SNTG2: variants seen among roughly 807,000 people sequenced by gnomAD.
SNTG2 encodes syntrophin gamma 2.
In SNTG2, 74 loss-of-function variants were observed where a neutral mutation model predicts 70.9. The observed-to-expected ratio is 1.04, with a 90% CI of 0.86 to 1.27. The LOEUF is 1.27. SNTG2 is among the 50% of genes most tolerant of loss of function. SNTG2 has a pLI of 0.00. For missense variants in SNTG2, 717 were observed against 690.7 expected, an observed-to-expected ratio of 1.04 and a Z score of -0.43; for synonymous variants, 278 against 273.8, an observed-to-expected ratio of 1.02 and a Z score of -0.15.
At chr2:1,005,574 C>G (rs1013519470) in intron 1 of SNTG2, among the ~76,000 whole-genome samples, 1 of 151,444 alleles carries the variant, frequency 6.6e-6, no homozygotes, top group African/African-American at 2.4e-5. Context: ...GAGGCTGAGG[C>G]GGGTGGATCG....
rs185261381 is a variant in SNTG2 at position 974,542 on chromosome 2, C to T, written c.72+23474C>T. ...TGGTTTCCTTGGGTGTCCTCCCTGC[C>T]TCAGTCTTTGCTGGACCTGTCGAGG... On this transcript the variant is annotated intron_variant, in intron 1 of 16. Transcript: ENST00000308624. Among the ~76,000 whole-genome samples, 551 of 152,300 alleles carry T rather than the reference C, an allele frequency of 3.6e-3. 4 individuals are homozygous for T. Among genetic ancestry groups the T allele is most frequent in the Middle Eastern group, 6.8e-3 (2 of 294 alleles).
intron 16 of SNTG2, among the ~76,000 whole-genome samples, chr2:1,359,503 T>C (rs1356781322): frequency 2.0e-5 from 3 of 152,194 alleles, no homozygotes; most frequent in African/African-American, 7.2e-5. Flanking sequence ...CCCTGCCCTT[T>C]TGTTTGCATG....
chr2:1,279,310 A>G (rs1448791090), intron 14 of SNTG2, among the ~76,000 whole-genome samples: 2 of 152,264 alleles, frequency 1.3e-5, no homozygotes, highest in African/African-American at 4.8e-5. Flanking sequence ...TGATGCTGGT[A>G]TACAGTAATA....
chr2:1,145,961 A>G (rs1312420580), intron 6 of SNTG2, among the ~76,000 whole-genome samples: 1 of 152,220 alleles, frequency 6.6e-6, no homozygotes, highest in East Asian at 1.9e-4. Context: ...TAATGATCAT[A>G]TAAATGGATG....
chr2:967,321 A>G (rs1660600128), intron 1 of SNTG2, among the ~76,000 whole-genome samples: 2 of 152,228 alleles, frequency 1.3e-5, no homozygotes, highest in Admixed American at 1.3e-4. Context: ...AAAAACATTC[A>G]GTGTTCATCA....
chr2:1,012,576 GA>G (rs1659762280), intron 1 of SNTG2, among the ~76,000 whole-genome samples: 8 of 146,338 alleles, frequency 5.5e-5, no homozygotes, highest in Non-Finnish European at 1.6e-5. Context: ...GTGGTCTGGA[GA>G]AGGATTTATA....
At chr2:1,262,625 G>T (rs1175699782) in intron 13 of SNTG2, among the ~76,000 whole-genome samples, 2 of 152,162 alleles carry the variant, frequency 1.3e-5, no homozygotes, top group African/African-American at 4.8e-5. Flanking sequence ...TCCAGACGAG[G>T]AAACCCAAAG....
intron 1 of SNTG2, among the ~76,000 whole-genome samples, chr2:1,083,207 T>C (rs1353951253): frequency 6.7e-6 from 1 of 149,084 alleles, no homozygotes; most frequent in African/African-American, 2.5e-5. Context: ...TATTTGGAAG[T>C]GGGAAAAATT....
chr2:1,202,449 G>A (rs1471219682), intron 8 of SNTG2, among the ~76,000 whole-genome samples: 1 of 147,572 alleles, frequency 6.8e-6, no homozygotes, highest in African/African-American at 2.6e-5. Flanking sequence ...TCAATGAGGA[G>A]ATAAAAGAGG....
intron 1 of SNTG2, among the ~76,000 whole-genome samples, chr2:1,050,616 T>C (rs903282553): frequency 2.0e-4 from 31 of 152,218 alleles, no homozygotes; most frequent in Non-Finnish European, 4.0e-4. Context: ...CTTTGTTTTC[T>C]TCCAGGATTT....
chr2:1,264,298 C>T (rs1321067905), intron 13 of SNTG2, among the ~76,000 whole-genome samples: 1 of 152,198 alleles, frequency 6.6e-6, no homozygotes, highest in Non-Finnish European at 1.5e-5. Flanking sequence ...TTAACTGGAG[C>T]ACATAGTGTG....
intron 9 of SNTG2, among the ~76,000 whole-genome samples, chr2:1,235,923 G>A (rs544495909): frequency 9.2e-5 from 14 of 152,290 alleles, no homozygotes; most frequent in African/African-American, 3.4e-4. Flanking sequence ...ACTGTTTATC[G>A]AGGTGTTCAC....
intron 1 of SNTG2, among the ~76,000 whole-genome samples, chr2:1,018,946 C>T (rs1660001784): frequency 6.6e-6 from 1 of 152,108 alleles, no homozygotes; most frequent in African/African-American, 2.4e-5. Context: ...TGCCCATTGT[C>T]CTCCTCCTGT....
intron 1 of SNTG2, among the ~76,000 whole-genome samples, chr2:986,156 G>C (rs1280585559): frequency 1.4e-5 from 2 of 147,092 alleles, no homozygotes; most frequent in Non-Finnish European, 3.0e-5. Context: ...CTTTCACACA[G>C]TCTTGCATGG....
At chr2:1,286,513 G>A (rs1458081161) in intron 14 of SNTG2, among the ~76,000 whole-genome samples, 2 of 152,224 alleles carry the variant, frequency 1.3e-5, no homozygotes, top group African/African-American at 4.8e-5. Flanking sequence ...CAGCCATAAA[G>A]TGAGTGCCTT....
chr2:1,189,686 G>T (rs1672459510), intron 8 of SNTG2, among the ~76,000 whole-genome samples: 1 of 151,864 alleles, frequency 6.6e-6, no homozygotes, highest in Admixed American at 6.6e-5. Context: ...AGCCTCCCAA[G>T]TAGGTGCACG....
intron 1 of SNTG2, among the ~76,000 whole-genome samples, chr2:963,828 T>C (rs973785359): frequency 6.6e-6 from 1 of 152,198 alleles, no homozygotes; most frequent in Non-Finnish European, 1.5e-5. Flanking sequence ...TATAAATCCT[T>C]TGGAGGGTGT....
chr2:1,036,619 G>C (rs968507523), intron 1 of SNTG2, among the ~76,000 whole-genome samples: 1 of 152,170 alleles, frequency 6.6e-6, no homozygotes, highest in African/African-American at 2.4e-5. Context: ...GTTTATAGAA[G>C]TGACATTTTC....
chr2:961,547 T>G (rs1157685071), intron 1 of SNTG2, among the ~76,000 whole-genome samples: 1 of 152,266 alleles, frequency 6.6e-6, no homozygotes, highest in Non-Finnish European at 1.5e-5. Context: ...GATTAGCCAT[T>G]GAATTTCTCA....
Sources: allele counts gnomAD v4.1 joint callset (sites outside exome capture counted in the v4.1 genomes callset), GRCh38; gene constraint gnomAD v4.1.1; transcripts MANE v1.5; gene names NCBI Gene and HGNC (gene_info 2026-07-23, HGNC 2026-07-21).